The following ANK3 variants were observed in gnomAD, a reference collection of about 807,000 sequenced individuals.
The protein encoded by ANK3 is ankyrin-3.
A neutral mutation model predicts 370.9 loss-of-function variants in ANK3; 57 were observed. That is an observed-to-expected ratio of 0.15 (90% CI 0.12 to 0.19). ANK3 has a LOEUF of 0.19. ANK3 is among the 10% of genes least tolerant of loss of function. ANK3 has a pLI of 1.00. For synonymous variants in ANK3, 1,929 were observed against 1,946.3 expected, an observed-to-expected ratio of 0.99 and a Z score of 0.23; for missense variants, 4,439 against 5,302.1, an observed-to-expected ratio of 0.84 and a Z score of 5.06.
rs751807238 is a variant in ANK3 at position 60,085,194 on chromosome 10, T to C, written c.3808A>G (p.Lys1270Glu). 6.2e-7 allele frequency: 1 copy of C among 1,613,388 alleles called. No individual in the cohort carries two copies. The highest frequency in any genetic ancestry group is 1.1e-5 in the South Asian group (1 of 90,966). The change falls in exon 31 of 44, where the codon AAA (lysine) becomes GAA (glutamate). Residue 1270 changes from lysine (K) to glutamate (E), a missense_variant. Coordinates refer to ENST00000280772, the MANE Select transcript of ANK3 (RefSeq NM_020987.5). ...ITGTTPLTFI[K>E]DCVSFTTNVS... ...TTGGTTGTAAAGGAGACACAATCTTTTATAAACGTCAAAGGAGTTGTTCCT... is the reference window on the plus strand; with the variant it reads ...TTGGTTGTAAAGGAGACACAATCTTCTATAAACGTCAAAGGAGTTGTTCCT...
chr10:60,080,188 T>G (rs1216527840), intron 36 of ANK3, among the ~76,000 whole-genome samples: 1 of 152,170 alleles, frequency 6.6e-6, no homozygotes, highest in Non-Finnish European at 1.5e-5. Context: ...ATTCCAAATA[T>G]TTGAGTAATT....
intron 1 of ANK3, among the ~76,000 whole-genome samples, chr10:60,327,906 T>A (rs1356161036): frequency 6.6e-6 from 1 of 152,158 alleles, no homozygotes; most frequent in Admixed American, 6.5e-5. Flanking sequence ...TACTACTGTT[T>A]CAGAGTCAAA....
At chr10:60,615,063 T>C in intron 2 of ANK3, 1 of 597,692 alleles carries the variant, frequency 1.7e-6, no homozygotes, top group East Asian at 3.4e-5. Context: ...ACAACAACAA[T>C]AAACTGGTTT....
chr10:60,221,524 T>G (rs10994256), intron 8 of ANK3, among the ~76,000 whole-genome samples: 1,595 of 152,348 alleles, frequency 0.01, 27 homozygotes, highest in African/African-American at 0.037. Context: ...ATGACTCATC[T>G]ATATACTGAC....
chr10:60,594,888 G>C (rs2077965970), intron 2 of ANK3, among the ~76,000 whole-genome samples: 1 of 152,082 alleles, frequency 6.6e-6, no homozygotes, highest in African/African-American at 2.4e-5. Context: ...CAATCACCTT[G>C]CAGGGAATGA....
chr10:60,493,571 A>G (rs1567090022), intron 2 of ANK3, among the ~76,000 whole-genome samples: 1 of 152,146 alleles, frequency 6.6e-6, no homozygotes, highest in Non-Finnish European at 1.5e-5. Flanking sequence ...TAAAGAGATT[A>G]ATGAACTAAA....
At chr10:60,152,529 G>A (rs577167571) in intron 23 of ANK3, among the ~76,000 whole-genome samples, 46 of 152,228 alleles carry the variant, frequency 3.0e-4, no homozygotes, top group Non-Finnish European at 5.3e-4. Flanking sequence ...GGGTTAGCCA[G>A]GGACCATATC....
chr10:60,043,727 A>G (rs1589166421), intron 42 of ANK3: 1 of 985,378 alleles, frequency 1.0e-6, no homozygotes. Flanking sequence ...CCCAACAGAC[A>G]CTCTGCTGAA....
chr10:60,106,706 T>C (rs1410448678), intron 27 of ANK3, among the ~76,000 whole-genome samples: 1 of 152,198 alleles, frequency 6.6e-6, no homozygotes, highest in African/African-American at 2.4e-5. Flanking sequence ...TTTGAAATTG[T>C]CACATAATGA....
intron 2 of ANK3, among the ~76,000 whole-genome samples, chr10:60,555,622 T>C (rs376882207): frequency 5.9e-5 from 9 of 152,340 alleles, no homozygotes; most frequent in South Asian, 4.1e-4. Context: ...GTGGTTCTTC[T>C]GAATAGGTCA....
At chr10:60,131,193 T>C (rs1267447325) in intron 25 of ANK3, among the ~76,000 whole-genome samples, 4 of 152,218 alleles carry the variant, frequency 2.6e-5, no homozygotes, top group Non-Finnish European at 4.4e-5. Context: ...AATGATTTCC[T>C]ACATACACAG....
At chr10:60,267,353 G>A (rs1445366960) in intron 5 of ANK3, among the ~76,000 whole-genome samples, 1 of 151,940 alleles carries the variant, frequency 6.6e-6, no homozygotes, top group Non-Finnish European at 1.5e-5. Flanking sequence ...TCCAAAAGAA[G>A]AGAAAAAATT....
chr10:60,377,459 C>A (rs897194841), intron 1 of ANK3, among the ~76,000 whole-genome samples: 2 of 152,166 alleles, frequency 1.3e-5, no homozygotes, highest in Non-Finnish European at 2.9e-5. Flanking sequence ...TGTGCTTTTG[C>A]AATAATATTT....
At chr10:60,668,244 T>C (rs1190391290) in intron 1 of ANK3, among the ~76,000 whole-genome samples, 1 of 151,484 alleles carries the variant, frequency 6.6e-6, no homozygotes, top group East Asian at 1.9e-4. Context: ...GACGAAGGGC[T>C]AACTTAAATC....
chr10:60,071,890 T>A lies in ANK3; in HGVS notation c.8991A>T (p.Ser2997=). ...KHELSQKLSQ[S]SMSKETVETQ... is the part of the protein sequence containing the mutation. ...TCTCAACTGTCTCTTTACTCATGCT[T>A]GACTGGGACAATTTTTGTGATAGTT... The change falls in exon 37 of 44, where the codon TCA becomes TCT. Residue 2997 remains serine (S), a synonymous_variant. Coordinates refer to ENST00000280772, the MANE Select transcript of ANK3 (RefSeq NM_020987.5). 6.2e-7 allele frequency: 1 copy of A among 1,614,144 alleles called. No homozygotes were observed. The highest frequency in any genetic ancestry group is 8.5e-7 in the Non-Finnish European group (1 of 1,180,010).
At chr10:60,263,638 G>C (rs1375230074) in intron 6 of ANK3, among the ~76,000 whole-genome samples, 197 bp downstream of exon 6, 1 of 152,144 alleles carries the variant, frequency 6.6e-6, no homozygotes, top group African/African-American at 2.4e-5. Context: ...GCATAGGGCC[G>C]CATTCCCCTC....
intron 1 of ANK3, among the ~76,000 whole-genome samples, chr10:60,687,539 C>A (rs2079286706): frequency 6.6e-6 from 1 of 151,742 alleles, no homozygotes; most frequent in Admixed American, 6.6e-5. Flanking sequence ...AAAAAAAACA[C>A]ACACACACAC....
chr10:60,626,349 T>C (rs2078410048), intron 1 of ANK3, among the ~76,000 whole-genome samples: 1 of 152,084 alleles, frequency 6.6e-6, no homozygotes, highest in Non-Finnish European at 1.5e-5. Context: ...ATTGTACAAA[T>C]AGTAGGTCTA....
At chr10:60,211,891 C>A (rs2096860272) in intron 9 of ANK3, among the ~76,000 whole-genome samples, 2 of 30,124 alleles carry the variant, frequency 6.6e-5, no homozygotes, top group African/African-American at 1.2e-4. Context: ...AAATACAGAG[C>A]CAAAAAAAAA....
Sources: gnomAD v4.1 joint callset for allele counts (sites outside exome capture counted in the v4.1 genomes callset) on GRCh38, gnomAD v4.1.1 for gene constraint, MANE v1.5 for transcripts, NCBI Gene and HGNC (gene_info 2026-07-23, HGNC 2026-07-21) for gene names.